The following PHF20L1 variants were observed in gnomAD, a reference collection of about 807,000 sequenced individuals.
The protein encoded by PHF20L1 is PHD finger protein 20-like protein 1.
Under a neutral mutation model 125.5 loss-of-function variants are expected in PHF20L1, and 44 were observed. That is an observed-to-expected ratio of 0.35 (90% confidence interval 0.28 to 0.45). The LOEUF is 0.45. PHF20L1 is among the 20% of genes least tolerant of loss of function. The pLI is 1.00. For missense variants in PHF20L1, 1,012 were observed against 1,217.2 expected, an observed-to-expected ratio of 0.83 and a Z score of 2.51; for synonymous variants, 380 against 403.1, an observed-to-expected ratio of 0.94 and a Z score of 0.69.
At chr8:132,818,761 A>G (rs1403344080) in intron 12 of PHF20L1, 3 of 151,800 alleles carry the variant, frequency 2.0e-5, no homozygotes, top group Non-Finnish European at 2.9e-5. Flanking sequence ...ACCCATTGAG[A>G]TACTTTTTTG....
At chr8:132,809,307 C>A (rs1205824867) in intron 8 of PHF20L1, 2 of 152,126 alleles carry the variant, frequency 1.3e-5, no homozygotes, top group Non-Finnish European at 2.9e-5. Context: ...ACTGGGATTA[C>A]AGGTGTGTAC....
intron 2 of PHF20L1, among the ~76,000 whole-genome samples, chr8:132,780,089 A>G (rs769177751): frequency 2.0e-5 from 3 of 152,156 alleles, no homozygotes; most frequent in Non-Finnish European, 4.4e-5. Context: ...CCTTATTTAA[A>G]AAAGGATTAA....
intron 12 of PHF20L1, among the ~76,000 whole-genome samples, chr8:132,823,011 A>G (rs1316574827): frequency 6.6e-6 from 1 of 152,012 alleles, no homozygotes; most frequent in East Asian, 1.9e-4. Context: ...ATGGTTGAAT[A>G]TGAATTGATT....
intron 8 of PHF20L1, chr8:132,806,295 G>C (rs961428647): frequency 2.6e-5 from 4 of 151,972 alleles, no homozygotes; most frequent in African/African-American, 9.7e-5. Context: ...ACTCTGCTGA[G>C]CCCACAATGA....
chr8:132,776,452 AAT>A (rs1829779874), intron 1 of PHF20L1, among the ~76,000 whole-genome samples: 1 of 152,210 alleles, frequency 6.6e-6, no homozygotes, highest in African/African-American at 2.4e-5. Flanking sequence ...CTCTATTAAA[AAT>A]ATTCATACAT....
intron 6 of PHF20L1, among the ~76,000 whole-genome samples, chr8:132,800,687 G>A (rs1352385079): frequency 4.0e-5 from 6 of 151,584 alleles, no homozygotes; most frequent in Admixed American, 6.6e-5. Flanking sequence ...GCAAACCTCC[G>A]AAGTAATTAA....
At chr8:132,791,583 T>C (rs934335681) in intron 2 of PHF20L1, among the ~76,000 whole-genome samples, 1 of 152,156 alleles carries the variant, frequency 6.6e-6, no homozygotes, top group Admixed American at 6.5e-5. Flanking sequence ...TATGTACCAA[T>C]AGTGCCTAGC....
intron 6 of PHF20L1, among the ~76,000 whole-genome samples, chr8:132,800,666 C>T (rs1048861946): frequency 6.6e-6 from 1 of 151,690 alleles, no homozygotes; most frequent in East Asian, 1.9e-4. Context: ...ATTAGTAACA[C>T]TTTTGTATAT....
intron 10 of PHF20L1, 134 bp from the exon 11 acceptor site, chr8:132,816,754 G>T: frequency 1.5e-6 from 1 of 645,720 alleles, no homozygotes. Flanking sequence ...TTTGGAACAT[G>T]CCATTCCTTG....
intron 14 of PHF20L1, among the ~76,000 whole-genome samples, chr8:132,825,896 C>T (rs116217241): frequency 0.018 from 2,796 of 152,128 alleles, 82 homozygotes; most frequent in African/African-American, 0.063. Context: ...AGAGGGAGCA[C>T]TTCCTTGTCA....
intron 6 of PHF20L1, chr8:132,799,802 A>G (rs1832833752): frequency 6.6e-6 from 1 of 151,910 alleles, no homozygotes; most frequent in African/African-American, 2.4e-5. Flanking sequence ...ATTGTTTTAA[A>G]TTGCCTGGTT....
Position 132,775,442 on chromosome 8 carries a change from A to G in PHF20L1, c.-241A>G. 1 of 385,432 alleles carries G rather than the reference A, an allele frequency of 2.6e-6. No homozygotes were observed. The highest frequency in any genetic ancestry group is 4.6e-6 in the Non-Finnish European group (1 of 219,614). The allele number at this position is 385,432 out of a possible 1,614,324, so 23.9% of individuals were successfully genotyped here. A position where few individuals can be genotyped will look rare whatever the true frequency, so the allele number is the denominator to read the frequency against. ...GCGGCGGCGATGGCAGCGGACCCTG[A>G]GCGAGCTTGAGGGCTCGGACCCAGC... On this transcript the variant is annotated 5_prime_UTR_variant, in exon 1 of 21. Coordinates refer to ENST00000395386, the MANE Select transcript of PHF20L1 (RefSeq NM_016018.5).
At chr8:132,795,485 A>G (rs1449068876) in intron 4 of PHF20L1, among the ~76,000 whole-genome samples, 1 of 152,150 alleles carries the variant, frequency 6.6e-6, no homozygotes, top group Non-Finnish European at 1.5e-5. Flanking sequence ...CAGAATTCAT[A>G]TGCTCATTAA....
Position 132,817,538 on chromosome 8 carries a change from A to C in PHF20L1, c.1572A>C (p.Ala524=). ...KAIADGRGAP[A]AAGISKTEKK... is the part of the protein sequence containing the mutation. ...TAGCTGATGGAAGAGGAGCTCCAGC[A>C]GCAGCAGGTAAAAGAAAAAAAATAA... The change falls in exon 12 of 21, where the codon GCA becomes GCC. Residue 524 remains alanine (A), a synonymous_variant. Transcript: ENST00000395386. 1.2e-6 allele frequency: 2 copies of C among 1,609,116 alleles called. No homozygotes were observed. The highest frequency in any genetic ancestry group is 1.7e-6 in the Non-Finnish European group (2 of 1,177,716).
chr8:132,825,421 C>T, intron 14 of PHF20L1, 50 bp downstream of exon 14: 1 of 1,382,962 alleles, frequency 7.2e-7, no homozygotes, highest in Non-Finnish European at 9.6e-7. Context: ...TTTGAAGTTT[C>T]CTTTGATTCC....
Position 132,802,947 on chromosome 8 carries a change from T to C in PHF20L1, c.508-872T>C, listed in dbSNP as rs562114084. On this transcript the variant is annotated intron_variant, in intron 6 of 20. Coordinates refer to ENST00000395386, the MANE Select transcript of PHF20L1 (RefSeq NM_016018.5). Reference sequence around the variant, plus strand: ...CTTAGTGGTCTCAGCAGATTCACTTTGTAGAGATATTTATATTTGTTTTAA... The same window carrying C: ...CTTAGTGGTCTCAGCAGATTCACTTCGTAGAGATATTTATATTTGTTTTAA... 3.3e-5 allele frequency among the ~76,000 whole-genome samples: 5 copies of C among 151,980 alleles called. No individual in the cohort carries two copies. The East Asian group carries it at 7.7e-4, about 23-fold the overall frequency.
chr8:132,809,739 A>G (rs1354800671), intron 8 of PHF20L1: 1 of 152,184 alleles, frequency 6.6e-6, no homozygotes. Flanking sequence ...AAATAACACA[A>G]AAATGATTTT....
intron 2 of PHF20L1, among the ~76,000 whole-genome samples, chr8:132,778,929 C>G (rs988067): frequency 0.46 from 70,274 of 152,056 alleles, 16,377 homozygotes; most frequent in South Asian, 0.52. Flanking sequence ...TAAAACCATA[C>G]TGGGCATTTT....
Position 132,839,617 on chromosome 8 carries a change from C to T in PHF20L1, c.2387+35C>T, listed in dbSNP as rs75414856. 6,126 of 1,487,704 alleles carry T rather than the reference C, an allele frequency of 4.1e-3. 211 individuals are homozygous for T. The African/African-American group carries it at 0.075, about 18-fold the overall frequency. 92.2% of individuals were successfully genotyped at this position (1,487,704 alleles called of 1,614,324 possible). ...GGGCAGCAAAGGGAGGGTCACACTT[C>T]AGTGGACGTTTTAATTCAAACCAAC... On this transcript the variant is annotated intron_variant, in intron 18 of 20. Transcript: ENST00000395386.
Sources: gnomAD v4.1 joint callset for allele counts (sites outside exome capture counted in the v4.1 genomes callset) on GRCh38, gnomAD v4.1.1 for gene constraint, MANE v1.5 for transcripts, NCBI Gene and HGNC (gene_info 2026-07-23, HGNC 2026-07-21) for gene names.